ACSM2B: variants seen among roughly 807,000 people sequenced by gnomAD.
ACSM2B encodes the protein acyl-CoA synthetase medium chain family member 2B.
ACSM2B carries 58 observed loss-of-function variants against 78.6 expected under a neutral mutation model. That is an observed-to-expected ratio of 0.74 (90% CI 0.60 to 0.92). ACSM2B has a LOEUF of 0.92. Among genes scored for constraint, ACSM2B ranks in the 40% least tolerant of loss-of-function variants. ACSM2B has a pLI of 0.00. For missense variants in ACSM2B, 688 were observed against 711.2 expected, an observed-to-expected ratio of 0.97 and a Z score of 0.37; for synonymous variants, 257 against 256.8, an observed-to-expected ratio of 1.00 and a Z score of -0.01.
rs2015437630 is a variant in ACSM2B, at chr16:20,555,312, C to G, written c.553G>C (p.Glu185Gln). 3 of 1,613,888 alleles carry G rather than the reference C, an allele frequency of 1.9e-6. No homozygotes were observed. The highest frequency in any genetic ancestry group is 2.5e-6 in the Non-Finnish European group (3 of 1,179,854). ...PSLRIKLLVS[E>Q]KSCDGWLNFK... ...TTCAGCCACCCATCGCAGCTTTTCT[C>G]AGACACCAGTAGCTTAATTCTCAGA... The change falls in exon 4 of 14, where the codon GAG becomes CAG. Residue 185 changes from glutamate to glutamine, a missense_variant. Physicochemically the swap from Glu to Gln is conservative, Grantham distance 29. Coordinates refer to ENST00000329697, the MANE Select transcript of ACSM2B (RefSeq NM_001105069.2).
At chr16:20,541,837 C>G (rs561629255) in intron 12 of ACSM2B, 1 of 152,286 alleles carries the variant, frequency 6.6e-6, no homozygotes, top group Non-Finnish European at 1.5e-5. Context: ...TGCCTGCCAC[C>G]GTGCCTGGCC....
intron 12 of ACSM2B, chr16:20,542,249 C>A: frequency 6.7e-6 from 1 of 149,496 alleles, no homozygotes; most frequent in Non-Finnish European, 1.5e-5. Context: ...TCATCCCCCA[C>A]TTCCCCACCC....
At chr16:20,575,970 C>T (rs1286377677) in intron 1 of ACSM2B, among the ~76,000 whole-genome samples, 1 of 151,056 alleles carries the variant, frequency 6.6e-6, no homozygotes, top group Non-Finnish European at 1.5e-5. Context: ...ACTACCAGCC[C>T]CCTGTTACCA....
intron 2 of ACSM2B, among the ~76,000 whole-genome samples, chr16:20,560,768 G>A (rs1031037022): frequency 2.0e-5 from 3 of 152,002 alleles, no homozygotes; most frequent in Non-Finnish European, 2.9e-5. Context: ...AGAAAGATGA[G>A]GAAAAGTTTG....
In ACSM2B at chr16:20,543,281, CAG is replaced by C. The variant is rs764058436; in HGVS notation, c.1282-21_1282-20del. ...GATTTTCCTGGTGACCACAGAAAGA[CAG>C]AGTCATTGTGCCTGCAAAGCCTAAA... On this transcript the variant is annotated intron_variant, in intron 10 of 13. Coordinates refer to ENST00000329697, the MANE Select transcript of ACSM2B (RefSeq NM_001105069.2). The C allele has an allele frequency of 9.9e-6, 16 of 1,612,330 alleles. No homozygotes were observed. The highest frequency in any genetic ancestry group is 8.2e-5 in the African/African-American group (6 of 73,564).
intron 13 of ACSM2B, among the ~76,000 whole-genome samples, chr16:20,540,212 TG>T (rs898722302): frequency 6.0e-5 from 5 of 83,304 alleles, no homozygotes; most frequent in African/African-American, 1.1e-4. Flanking sequence ...TAGGAAGAGT[TG>T]TTTTTTTTTT....
At chr16:20,553,687 T>A (rs2015383160) in intron 5 of ACSM2B, 90 bp downstream of exon 5, 1 of 1,526,968 alleles carries the variant, frequency 6.5e-7, no homozygotes. Flanking sequence ...CACAAGGTGG[T>A]GACACAGCCC....
At chr16:20,554,972 AC>A (rs2152139043) in intron 4 of ACSM2B, among the ~76,000 whole-genome samples, 1 of 152,204 alleles carries the variant, frequency 6.6e-6, no homozygotes, top group Non-Finnish European at 1.5e-5. Flanking sequence ...CCCCAGGACA[AC>A]CCTGAACCTG....
chr16:20,555,155 T>C, intron 4 of ACSM2B, 114 bp downstream of exon 4: 1 of 1,502,986 alleles, frequency 6.7e-7, no homozygotes, highest in Non-Finnish European at 9.0e-7. Context: ...AGCTTCACTC[T>C]TCCTAGTCCC....
chr16:20,568,366 ATAT>A (rs879296145), intron 1 of ACSM2B, among the ~76,000 whole-genome samples: 1 of 145,808 alleles, frequency 6.9e-6, no homozygotes, highest in African/African-American at 2.5e-5. Context: ...TATATATCAC[ATAT>A]TATATATTTA....
intron 6 of ACSM2B, among the ~76,000 whole-genome samples, chr16:20,550,296 C>T (rs921128805): frequency 9.9e-5 from 15 of 152,108 alleles, no homozygotes; most frequent in African/African-American, 3.4e-4. Flanking sequence ...CAATAATTTC[C>T]TTCAAATGTG....
chr16:20,557,056 A>G (rs2015497877), intron 3 of ACSM2B, among the ~76,000 whole-genome samples: 1 of 152,016 alleles, frequency 6.6e-6, no homozygotes, highest in Non-Finnish European at 1.5e-5. Context: ...GCTGTGTGCA[A>G]GCAGAGGTGG....
intron 2 of ACSM2B, among the ~76,000 whole-genome samples, chr16:20,562,662 G>C (rs1317765850): frequency 6.6e-6 from 1 of 152,094 alleles, no homozygotes; most frequent in Non-Finnish European, 1.5e-5. Context: ...CACAGCATTA[G>C]AATTATGGTA....
At chr16:20,550,437 A>G (rs902502624) in intron 6 of ACSM2B, among the ~76,000 whole-genome samples, 1 of 152,072 alleles carries the variant, frequency 6.6e-6, no homozygotes, top group Non-Finnish European at 1.5e-5. Flanking sequence ...TTTCCACCCT[A>G]CACCTCCAAC....
intron 12 of ACSM2B, chr16:20,542,628 GC>G: frequency 2.5e-6 from 1 of 399,794 alleles, no homozygotes; most frequent in South Asian, 4.6e-5. Flanking sequence ...TAGTGGGATT[GC>G]TGGATCATAT....
intron 8 of ACSM2B, chr16:20,547,334 G>C (rs2015171568): frequency 2.0e-6 from 2 of 985,206 alleles, no homozygotes; most frequent in Non-Finnish European, 2.4e-6. Flanking sequence ...GCTCTTCCTG[G>C]CTCTTTCATA....
rs1205409082 is a variant in ACSM2B, at chr16:20,554,187, A to G, written c.597-267T>C. On this transcript the variant is annotated intron_variant, in intron 4 of 13. Coordinates refer to ENST00000329697, the MANE Select transcript of ACSM2B (RefSeq NM_001105069.2). ...GTGTCTCACTTTATATCTGCAAAAA[A>G]GTGAGATCAAGTCTTATAGAGTTAT... 9.8e-6 allele frequency: 6 copies of G among 609,164 alleles called. No individual in the cohort carries two copies. The Admixed American group carries it at 1.1e-4, about 11-fold the overall frequency. The allele number at this position is 609,164 out of a possible 1,614,324, so 37.7% of individuals were successfully genotyped here.
At position 20,548,520 on chromosome 16, in the gene ACSM2B, C is replaced by T. The variant is rs549091203; in HGVS notation, c.895-47G>A. On this transcript the variant is annotated intron_variant, in intron 6 of 13. Coordinates refer to ENST00000329697, the MANE Select transcript of ACSM2B (RefSeq NM_001105069.2). ...AGACATTGGTCACCAGGTCAAATGC[C>T]AACTTATGGCTATGCACAGTGGTTA... The T allele has an allele frequency of 8.1e-6, 13 of 1,612,886 alleles. No individual in the cohort carries two copies. In the African/African-American group the frequency reaches 1.5e-4, roughly 18 times the overall value.
chr16:20,561,475 T>C (rs1341130741), intron 2 of ACSM2B, among the ~76,000 whole-genome samples: 2 of 151,532 alleles, frequency 1.3e-5, no homozygotes, highest in African/African-American at 4.8e-5. Context: ...AGATCTCTCA[T>C]GAACTCACTC....
Sources: gnomAD v4.1 joint callset for allele counts (sites outside exome capture counted in the v4.1 genomes callset) on GRCh38, gnomAD v4.1.1 for gene constraint, MANE v1.5 for transcripts, NCBI Gene and HGNC (gene_info 2026-07-23, HGNC 2026-07-21) for gene names.